The following GALNT10 variants were observed in gnomAD, a reference collection of about 807,000 sequenced individuals.
GALNT10 encodes polypeptide N-acetylgalactosaminyltransferase 10.
Under a neutral mutation model 75.0 loss-of-function variants are expected in GALNT10, and 41 were observed. The observed-to-expected ratio is 0.55, with a 90% CI of 0.43 to 0.71. The LOEUF (loss-of-function observed/expected upper bound fraction) is 0.71, where lower values mean the gene tolerates loss of function less well. Ranked by LOEUF, GALNT10 falls within the 30% of genes least tolerant of loss-of-function variation. GALNT10 has a pLI of 0.00. For missense variants in GALNT10, 727 were observed against 818.5 expected (o/e 0.89, Z 1.36); for synonymous variants, 302 against 313.0 (o/e 0.96, Z 0.37).
intron 4 of GALNT10, among the ~76,000 whole-genome samples, chr5:154,335,477 G>A (rs534918909): frequency 6.6e-6 from 1 of 152,038 alleles, no homozygotes; most frequent in African/African-American, 2.4e-5. Context: ...ATTACTCCCT[G>A]GGGTTAGGGA....
chr5:154,400,592 C>T (rs563751736), intron 7 of GALNT10, among the ~76,000 whole-genome samples: 116 of 152,314 alleles, frequency 7.6e-4, no homozygotes, highest in Admixed American at 7.6e-3. Context: ...GCAAAAACAA[C>T]AGATGCCCAT....
intron 1 of GALNT10, among the ~76,000 whole-genome samples, chr5:154,259,590 G>T (rs1242515609): frequency 6.6e-6 from 1 of 152,114 alleles, no homozygotes; most frequent in East Asian, 1.9e-4. Context: ...GAGTTATGTT[G>T]ATTGAAATGG....
intron 1 of GALNT10, among the ~76,000 whole-genome samples, chr5:154,274,129 C>T (rs1395144770): frequency 1.3e-5 from 2 of 152,172 alleles, no homozygotes; most frequent in Non-Finnish European, 2.9e-5. Flanking sequence ...TTTGGAGAGT[C>T]AACAGTTGGG....
chr5:154,311,645 T>A (rs1754520654), intron 3 of GALNT10, among the ~76,000 whole-genome samples: 4 of 150,900 alleles, frequency 2.7e-5, no homozygotes, highest in Non-Finnish European at 5.9e-5. Context: ...AGATTCTCAC[T>A]CTCTTGCCCA....
intron 4 of GALNT10, among the ~76,000 whole-genome samples, chr5:154,360,646 T>C (rs1755370654): frequency 6.6e-6 from 1 of 152,154 alleles, no homozygotes; most frequent in African/African-American, 2.4e-5. Context: ...CAGAAGGATA[T>C]ATTCCGAAGT....
Position 154,389,762 on chromosome 5 carries a change from A to C in GALNT10, c.1056+3332A>C, listed in dbSNP as rs182287050. Among the ~76,000 whole-genome samples, 118 of 152,170 alleles carry C rather than the reference A, an allele frequency of 7.8e-4. 1 individual carries two copies. Among genetic ancestry groups the C allele is most frequent in the East Asian group, 3.9e-4 (2 of 5,192 alleles). On this transcript the variant is annotated intron_variant, in intron 7 of 11. Coordinates refer to ENST00000297107, the MANE Select transcript of GALNT10 (RefSeq NM_198321.4). ...TATAAGTATAAAAAATAATACAATT[A>C]AAAGTATACAAATATATATTCCAAT...
intron 1 of GALNT10, among the ~76,000 whole-genome samples, chr5:154,268,064 G>A (rs940553119): frequency 1.3e-5 from 2 of 152,154 alleles, no homozygotes; most frequent in Non-Finnish European, 2.9e-5. Flanking sequence ...TTTGCACAGA[G>A]CCAAATAATT....
intron 7 of GALNT10, among the ~76,000 whole-genome samples, chr5:154,391,462 T>G (rs896553302): frequency 1.3e-5 from 2 of 152,224 alleles, no homozygotes; most frequent in African/African-American, 2.4e-5. Context: ...CCCTCCCTCC[T>G]TCTCTGTCTG....
intron 1 of GALNT10, among the ~76,000 whole-genome samples, chr5:154,254,983 G>A (rs2113019424): frequency 6.6e-6 from 1 of 152,150 alleles, no homozygotes; most frequent in Middle Eastern, 3.4e-3. Flanking sequence ...AAGCAGAGAA[G>A]GGCATCGTTG....
chr5:154,363,942 A>T (rs1274441640), intron 4 of GALNT10, among the ~76,000 whole-genome samples: 1 of 152,194 alleles, frequency 6.6e-6, no homozygotes, highest in Non-Finnish European at 1.5e-5. Flanking sequence ...TTAAGTTATG[A>T]TCGAACATCT....
intron 5 of GALNT10, among the ~76,000 whole-genome samples, chr5:154,377,856 A>G (rs1755680515): frequency 6.6e-6 from 1 of 152,184 alleles, no homozygotes; most frequent in Non-Finnish European, 1.5e-5. Flanking sequence ...CTGAAAGAAA[A>G]AAAAAAAGAA....
chr5:154,229,586 C>T (rs906381675), intron 1 of GALNT10, among the ~76,000 whole-genome samples: 4 of 151,308 alleles, frequency 2.6e-5, no homozygotes, highest in African/African-American at 4.9e-5. Context: ...AAAAAAAATT[C>T]GCCGGGCATG....
chr5:154,264,228 C>T (rs1753744780), intron 1 of GALNT10, among the ~76,000 whole-genome samples: 1 of 150,680 alleles, frequency 6.6e-6, no homozygotes, highest in African/African-American at 2.4e-5. Flanking sequence ...CATGAGAATC[C>T]CTTGAACCTG....
chr5:154,225,403 TTTTTA>T (rs573962161), intron 1 of GALNT10, among the ~76,000 whole-genome samples: 2,814 of 151,564 alleles, frequency 0.019, 71 homozygotes, highest in African/African-American at 0.064. Flanking sequence ...TTTTTTTTTT[TTTTTA>T]AAGGCAGGGT....
chr5:154,208,982 A>G (rs1260331833), intron 1 of GALNT10, among the ~76,000 whole-genome samples: 1 of 152,214 alleles, frequency 6.6e-6, no homozygotes, highest in African/African-American at 2.4e-5. Flanking sequence ...GTGCCACCCC[A>G]GCAAAGTTCA....
At chr5:154,405,812 C>A (rs533611560) in intron 8 of GALNT10, among the ~76,000 whole-genome samples, 1 of 151,658 alleles carries the variant, frequency 6.6e-6, no homozygotes, top group East Asian at 2.0e-4. Context: ...CCACTGCACT[C>A]CAGCCTGGGT....
intron 7 of GALNT10, among the ~76,000 whole-genome samples, chr5:154,399,539 G>A (rs1187152234): frequency 1.3e-5 from 2 of 152,160 alleles, no homozygotes; most frequent in East Asian, 1.9e-4. Context: ...AGGAAACCTC[G>A]GGCTCCCTGC....
Position 154,250,599 on chromosome 5 carries a change from A to G in GALNT10, c.160-44217A>G, listed in dbSNP as rs151123622. On this transcript the variant is annotated intron_variant, in intron 1 of 11. Transcript: ENST00000297107. ...GTGCAGTTCCAGACATCACACATAG[A>G]CACTGAAACCTCCAGGATGGATCAC... 1.3e-3 allele frequency among the ~76,000 whole-genome samples: 194 copies of G among 152,248 alleles called. No individual in the cohort carries two copies. In the East Asian group the frequency reaches 0.016, roughly 12 times the overall value.
chr5:154,391,719 C>T (rs913669093), intron 7 of GALNT10, among the ~76,000 whole-genome samples: 1 of 152,216 alleles, frequency 6.6e-6, no homozygotes, highest in Non-Finnish European at 1.5e-5. Context: ...ACTGAAATTC[C>T]AGGGTAGACC....
Sources: allele counts gnomAD v4.1 joint callset (sites outside exome capture counted in the v4.1 genomes callset), GRCh38; gene constraint gnomAD v4.1.1; transcripts MANE v1.5; gene names NCBI Gene and HGNC (gene_info 2026-07-23, HGNC 2026-07-21).